Variants in SPTB observed in about 807,000 individuals in gnomAD.
The protein encoded by SPTB is spectrin beta chain, erythrocytic.
In SPTB, 45 loss-of-function variants were observed where a neutral mutation model predicts 256.2. That is an observed-to-expected ratio of 0.18 (90% CI 0.14 to 0.23). SPTB has a LOEUF of 0.23. Ranked by LOEUF, SPTB falls within the 10% of genes least tolerant of loss-of-function variation. The pLI is 1.00. For missense variants in SPTB, 2,715 were observed against 3,040.4 expected, an observed-to-expected ratio of 0.89 and a Z score of 2.52; for synonymous variants, 1,231 against 1,243.1, an observed-to-expected ratio of 0.99 and a Z score of 0.21.
Position 64,852,101 on chromosome 14 carries a change from C to T in SPTB, c.-52+27691G>A, listed in dbSNP as rs1023044411. On this transcript the variant is annotated intron_variant, in intron 1 of 35. Coordinates refer to ENST00000644917, the MANE Select transcript of SPTB (RefSeq NM_001355436.2). This position sits in a 1 kb window ranked among gnomAD's most constrained non-coding sequence, Gnocchi z 4.2. The stretch of plus-strand genomic sequence containing the variant: ...GTTGTAAAAACAGGCTAGGTGACAA[C>T]GAGGAAAGGGAAGTACCTGGGGTTT... Among the ~76,000 whole-genome samples the T allele has an allele frequency of 3.3e-5, 5 of 152,014 alleles. No individual in the cohort carries two copies. Among genetic ancestry groups the T allele is most frequent in the African/African-American group, 7.3e-5 (3 of 41,372 alleles).
At chr14:64,828,601 A>G (rs2083407612) in intron 1 of SPTB, among the ~76,000 whole-genome samples, 2 of 152,220 alleles carry the variant, frequency 1.3e-5, no homozygotes, top group Non-Finnish European at 2.9e-5. Context: ...GTTTTCAAAT[A>G]TTATCCTCTA....
At chr14:64,799,689 T>C (rs2082842574) in intron 9 of SPTB, 58 bp downstream of exon 9, 4 of 1,600,846 alleles carry the variant, frequency 2.5e-6, no homozygotes, top group East Asian at 4.5e-5. Context: ...GGCTCTACCT[T>C]TTGGTGGTCA....
intron 1 of SPTB, among the ~76,000 whole-genome samples, chr14:64,857,577 CAAAAAAAAAAAAA>C (rs34021718): frequency 3.3e-5 from 2 of 61,354 alleles, no homozygotes; most frequent in African/African-American, 1.2e-4. Flanking sequence ...GACACTGCCT[CAAAAAAAAAAAAA>C]AAAAAAAAAA....
rs148284242 is a variant in SPTB at position 64,865,625 on chromosome 14, C to T, written c.-52+14167G>A. ...TGTACTGAGTACCAACTCTACCATGCACCCACTGGGCTCACCAGCGACCAT... is the reference window on the plus strand; with the variant it reads ...TGTACTGAGTACCAACTCTACCATGTACCCACTGGGCTCACCAGCGACCAT... On this transcript the variant is annotated intron_variant, in intron 1 of 35. Coordinates refer to ENST00000644917, the MANE Select transcript of SPTB (RefSeq NM_001355436.2). 2.1e-3 allele frequency among the ~76,000 whole-genome samples: 315 copies of T among 152,324 alleles called. 1 individual carries two copies. Among genetic ancestry groups the T allele is most frequent in the African/African-American group, 7.5e-3 (311 of 41,580 alleles).
rs2082580333 is a variant in SPTB, at chr14:64,786,891, T to C, written c.3074A>G (p.His1025Arg). Residue 1025 changes from histidine (H) to arginine (R), a missense_variant, in exon 16 of 36, where the codon CAC becomes CGC. His to Arg is a conservative substitution (Grantham distance 29, BLOSUM62 0). This residue lies in a region of SPTB where 2,239 missense variants were observed against 2,384.4 expected (regional missense o/e 0.94). Coordinates refer to ENST00000644917, the MANE Select transcript of SPTB (RefSeq NM_001355436.2). The surrounding 1 kb of genome is among the most constrained non-coding windows in gnomAD (Gnocchi z 5.6). ...ACCAATATCCTCCTTCTGCTCAGGG[T>C]GCGAGTCCATCAGCTGCTGGGACTC... ...ERESQQLMDS[H>R]PEQKEDIGQR... The C allele has an allele frequency of 6.2e-7, 1 of 1,612,908 alleles. No individual in the cohort carries two copies. The highest frequency in any genetic ancestry group is 2.2e-5 in the East Asian group (1 of 44,874).
intron 26 of SPTB, among the ~76,000 whole-genome samples, chr14:64,771,616 A>T (rs576525931): frequency 6.6e-6 from 1 of 152,132 alleles, no homozygotes; most frequent in African/African-American, 2.4e-5. Flanking sequence ...GTTCTTAACC[A>T]TTCTGTGTGC....
At chr14:64,817,781 G>A (rs2139682956) in intron 2 of SPTB, among the ~76,000 whole-genome samples, 1 of 152,368 alleles carries the variant, frequency 6.6e-6, no homozygotes, top group African/African-American at 2.4e-5. Context: ...GCAGAGTCAG[G>A]AAGAGGTCTG....
chr14:64,856,963 A>G (rs7158566), intron 1 of SPTB, among the ~76,000 whole-genome samples: 4,848 of 152,294 alleles, frequency 0.032, 258 homozygotes, highest in African/African-American at 0.11. Flanking sequence ...CTCAAAGAAA[A>G]TTTGAGTCCA....
chr14:64,767,534 C>T, intron 30 of SPTB, 129 bp downstream of exon 30: 1 of 1,408,698 alleles, frequency 7.1e-7, no homozygotes. Flanking sequence ...CTTTCCTTCC[C>T]ATTGTCGCTG....
At chr14:64,846,495 G>A (rs867162501) in intron 1 of SPTB, among the ~76,000 whole-genome samples, 14 of 152,260 alleles carry the variant, frequency 9.2e-5, no homozygotes, top group Admixed American at 4.6e-4. Flanking sequence ...CGCATAGGTC[G>A]TCAGTATTTG....
chr14:64,796,858 A>G lies in SPTB; in HGVS notation c.1183-143T>C, dbSNP rs2082779654. On this transcript the variant is annotated intron_variant, in intron 10 of 35. Transcript: ENST00000644917. This position sits in a 1 kb window ranked among gnomAD's most constrained non-coding sequence, Gnocchi z 4.1. ...CTTGGGTGACGTGGTAGCAGATTAA[A>G]GATCAATAAAAGCCTTTGGCTTTCA... 1 of 1,094,734 alleles carries G rather than the reference A, an allele frequency of 9.1e-7. No individual in the cohort carries two copies. Among genetic ancestry groups the G allele is most frequent in the Non-Finnish European group, 1.3e-6 (1 of 761,410 alleles). The allele number at this position is 1,094,734 out of a possible 1,614,324, so 67.8% of individuals were successfully genotyped here.
At chr14:64,805,305 G>T (rs941068199) in intron 2 of SPTB, among the ~76,000 whole-genome samples, 3 of 152,118 alleles carry the variant, frequency 2.0e-5, no homozygotes, top group Non-Finnish European at 4.4e-5. Context: ...GAGATCACTC[G>T]CACTGCCACC....
In SPTB at chr14:64,786,186, C is replaced by T. The variant is rs779149857; in HGVS notation, c.3561+218G>A. Among the ~76,000 whole-genome samples the T allele has an allele frequency of 1.1e-4, 17 of 152,236 alleles. No individual in the cohort carries two copies. The highest frequency in any genetic ancestry group is 7.9e-4 in the Admixed American group (12 of 15,284). Reference sequence around the variant, plus strand: ...AAGGCTAACCACCCAGGGCAAAATGCGCTTCTCTAGCCTCTGATAGACCCA... The same window carrying T: ...AAGGCTAACCACCCAGGGCAAAATGTGCTTCTCTAGCCTCTGATAGACCCA... On this transcript the variant is annotated intron_variant, in intron 16 of 35. Transcript: ENST00000644917. The surrounding 1 kb of genome is among the most constrained non-coding windows in gnomAD (Gnocchi z 5.6).
intron 32 of SPTB, chr14:64,763,722 GGTCTT>G (rs1566738897): frequency 1.9e-6 from 1 of 518,720 alleles, no homozygotes; most frequent in Admixed American, 1.9e-5. Flanking sequence ...TCGTGAGTGA[GGTCTT>G]GTTTCTTCTG....
intron 1 of SPTB, among the ~76,000 whole-genome samples, chr14:64,851,864 G>A (rs528624904): frequency 1.3e-5 from 2 of 151,868 alleles, no homozygotes; most frequent in Non-Finnish European, 1.5e-5. Context: ...GGCCTGTTGT[G>A]GGGGGTGGAG....
chr14:64,800,628 G>T, intron 8 of SPTB, 128 bp downstream of exon 8: 1 of 821,960 alleles, frequency 1.2e-6, no homozygotes, highest in Admixed American at 2.0e-5. Context: ...GCCAAGGTCA[G>T]CTTTAGAGGA....
Position 64,841,413 on chromosome 14 carries a change from G to A in SPTB, c.-51-18268C>T, listed in dbSNP as rs150975590. ...AAACAGTTTTTAAATCATCTGAGAC[G>A]AATTCTTCCACATCTAGCTCAACAC... On this transcript the variant is annotated intron_variant, in intron 1 of 35. Transcript: ENST00000644917. The surrounding 1 kb of genome is among the most constrained non-coding windows in gnomAD (Gnocchi z 4.6). 3.3e-5 allele frequency among the ~76,000 whole-genome samples: 5 copies of A among 152,146 alleles called. No individual in the cohort carries two copies. The highest frequency in any genetic ancestry group is 1.9e-4 in the East Asian group (1 of 5,206).
In SPTB at chr14:64,748,365, T is replaced by G. The variant is rs1271567584; in HGVS notation, c.*941A>C. The G allele has an allele frequency of 1.3e-5, 2 of 152,260 alleles. No homozygotes were observed. The highest frequency in any genetic ancestry group is 2.9e-5 in the Non-Finnish European group (2 of 68,122). The allele number at this position is 152,260 out of a possible 1,614,324, so 9.4% of individuals were successfully genotyped here. ...TGTCCCGTAGGGGGCCTATGTCTGT[T>G]GGATATTGCTGGTTTGGCTGCCACT... On this transcript the variant is annotated 3_prime_UTR_variant, in exon 36 of 36. Transcript: ENST00000644917.
intron 2 of SPTB, among the ~76,000 whole-genome samples, chr14:64,808,037 G>A (rs1036210579): frequency 3.3e-5 from 5 of 152,128 alleles, no homozygotes. Context: ...TCTTTTCAAC[G>A]GAGTCTCGCT....
Sources: allele counts gnomAD v4.1 joint callset (sites outside exome capture counted in the v4.1 genomes callset), GRCh38; gene constraint gnomAD v4.1.1; regional missense constraint gnomAD v4.1.1; non-coding constraint Gnocchi (gnomAD v3.1); transcripts MANE v1.5; gene names NCBI Gene and HGNC (gene_info 2026-07-23, HGNC 2026-07-21).